BTBD9: variants seen among roughly 807,000 people sequenced by gnomAD.
BTBD9 encodes BTB domain containing 9, also known as BTB/POZ domain-containing protein 9.
A neutral mutation model predicts 64.3 loss-of-function variants in BTBD9; 49 were observed. The ratio of observed to expected loss-of-function variants is 0.76; its 90% confidence interval spans 0.61 to 0.97. BTBD9 has a LOEUF of 0.97. Among genes scored for constraint, BTBD9 ranks in the 50% least tolerant of loss-of-function variants. The pLI is 0.00. For missense variants in BTBD9, 598 were observed against 762.1 expected (o/e 0.78, Z 2.53); for synonymous variants, 260 against 274.7 (o/e 0.95, Z 0.53).
intron 2 of BTBD9, among the ~76,000 whole-genome samples, chr6:38,596,997 A>T (rs1777060125): frequency 6.6e-6 from 1 of 152,176 alleles, no homozygotes; most frequent in Non-Finnish European, 1.5e-5. Flanking sequence ...AGAACTTTTA[A>T]CAGACTCCTC....
chr6:38,589,170 A>T (rs1042901072), intron 4 of BTBD9, among the ~76,000 whole-genome samples: 1 of 152,188 alleles, frequency 6.6e-6, no homozygotes, highest in Non-Finnish European at 1.5e-5. Flanking sequence ...AACATTGATG[A>T]ACAACAATCT....
chr6:38,594,098 T>C lies in BTBD9; in HGVS notation c.415A>G (p.Ile139Val), dbSNP rs1562392007. The C allele has an allele frequency of 6.2e-7, 1 of 1,614,190 alleles. No individual in the cohort carries two copies. Among genetic ancestry groups the C allele is most frequent in the Non-Finnish European group, 8.5e-7 (1 of 1,180,010 alleles). ...TCAAAAGTCATGCAGACATTCTGAA[T>C]GTTAAGTATGGTGCAGAGATACTCA... is the stretch of plus-strand genomic sequence containing the variant. ...TSEYLCTILNIQNVCMTFDVA... is the reference protein window; with the variant it reads ...TSEYLCTILNVQNVCMTFDVA... The change falls in exon 3 of 11, where the codon ATT becomes GTT. Residue 139 changes from isoleucine (I) to valine (V), a missense_variant. Coordinates refer to ENST00000481247, the MANE Select transcript of BTBD9 (RefSeq NM_001099272.2).
chr6:38,187,974 C>T (rs886408386), intron 10 of BTBD9, among the ~76,000 whole-genome samples: 3 of 152,096 alleles, frequency 2.0e-5, no homozygotes, highest in Non-Finnish European at 4.4e-5. Context: ...CTGGACGGAT[C>T]GGAGGGAAGC....
At position 38,555,665 on chromosome 6, in the gene BTBD9, TC is replaced by T. The variant is rs575344188; in HGVS notation, c.1154+21934del. Among the ~76,000 whole-genome samples the T allele has an allele frequency of 4.6e-3, 699 of 152,256 alleles. 4 individuals carry two copies. Among genetic ancestry groups the T allele is most frequent in the African/African-American group, 0.016 (658 of 41,550 alleles). On this transcript the variant is annotated intron_variant, in intron 6 of 10. Transcript: ENST00000481247. ...AAAAATACCTGGACATCACCAACATTCCTTTAATTTTTAATTGTCAGATTCT... is the reference window on the plus strand; with the variant it reads ...AAAAATACCTGGACATCACCAACATTCTTTAATTTTTAATTGTCAGATTCT...
At chr6:38,204,523 G>A (rs1762570936) in intron 9 of BTBD9, among the ~76,000 whole-genome samples, 1 of 152,158 alleles carries the variant, frequency 6.6e-6, no homozygotes, top group Admixed American at 6.5e-5. Context: ...AAGTAGATTA[G>A]TGGTTGCCTA....
Position 38,192,642 on chromosome 6 carries a change from ACT to A in BTBD9, c.1563-47_1563-46del, listed in dbSNP as rs759325765. 1.9e-6 allele frequency: 3 copies of A among 1,558,910 alleles called. No homozygotes were observed. In the Admixed American group the frequency reaches 5.0e-5, roughly 26 times the overall value. The stretch of plus-strand genomic sequence containing the variant: ...TTTGCCTGATTAGATGGTGCAGTTG[ACT>A]CTCTGGTAGTGTGGCCGATGGAGTC... On this transcript the variant is annotated intron_variant, in intron 9 of 10. Coordinates refer to ENST00000481247, the MANE Select transcript of BTBD9 (RefSeq NM_001099272.2).
chr6:38,330,055 T>G (rs1300951418), intron 7 of BTBD9, among the ~76,000 whole-genome samples: 2 of 151,082 alleles, frequency 1.3e-5, no homozygotes, highest in Non-Finnish European at 3.0e-5. Flanking sequence ...TTTCTTTTCT[T>G]TTTTTTTGTT....
At chr6:38,190,190 G>A (rs1761998268) in intron 10 of BTBD9, among the ~76,000 whole-genome samples, 1 of 151,906 alleles carries the variant, frequency 6.6e-6, no homozygotes, top group Non-Finnish European at 1.5e-5. Context: ...TCCTGGCCCA[G>A]CGTGGTGGCT....
intron 6 of BTBD9, among the ~76,000 whole-genome samples, chr6:38,467,195 C>A (rs991557084): frequency 6.6e-6 from 1 of 151,988 alleles, no homozygotes; most frequent in Non-Finnish European, 1.5e-5. Flanking sequence ...TTCCTAAAAC[C>A]ACAGAGAAAG....
chr6:38,547,632 G>GTGCTGTTCCTTCATCCGTTCA (rs1340691865), intron 6 of BTBD9, among the ~76,000 whole-genome samples: 1 of 151,916 alleles, frequency 6.6e-6, no homozygotes, highest in Admixed American at 6.6e-5. Context: ...GTCTCTGTAC[G>GTGCTGTTCCTTCATCCGTTCA]TGCTGTTCCT....
chr6:38,591,927 G>A (rs1361651894), intron 4 of BTBD9, among the ~76,000 whole-genome samples: 4 of 152,122 alleles, frequency 2.6e-5, no homozygotes, highest in African/African-American at 4.8e-5. Context: ...GCTCATGCCT[G>A]TAATCCCAGC....
chr6:38,620,302 G>C (rs1449528252), intron 1 of BTBD9, among the ~76,000 whole-genome samples: 1 of 152,154 alleles, frequency 6.6e-6, no homozygotes, highest in Non-Finnish European at 1.5e-5. Context: ...AAATACCAGA[G>C]GAAGTGGAAT....
At chr6:38,264,326 A>T (rs1764897754) in intron 8 of BTBD9, among the ~76,000 whole-genome samples, 1 of 152,202 alleles carries the variant, frequency 6.6e-6, no homozygotes, top group Non-Finnish European at 1.5e-5. Context: ...AAGTGGGATC[A>T]GAGATGGTAG....
intron 6 of BTBD9, among the ~76,000 whole-genome samples, chr6:38,366,429 G>A (rs9349074): frequency 0.057 from 8,700 of 152,156 alleles, 722 homozygotes; most frequent in East Asian, 0.34. Context: ...CCAGCACTGC[G>A]GGTCCCAGTC....
At position 38,171,384 on chromosome 6, in the gene BTBD9, G is replaced by C. The variant is rs547671275; in HGVS notation, c.*3601C>G. 6.6e-6 allele frequency: 1 copy of C among 152,024 alleles called. No homozygotes were observed. The highest frequency in any genetic ancestry group is 2.1e-4 in the South Asian group (1 of 4,812). The allele number at this position is 152,024 out of a possible 1,614,324, so 9.4% of individuals were successfully genotyped here. A position where few individuals can be genotyped will look rare whatever the true frequency, so the allele number is the denominator to read the frequency against. ...TAATTTCTTTTCCCAACTCTTCTAG[G>C]AATAAAACACTTTTAATGTATTTGT... On this transcript the variant is annotated 3_prime_UTR_variant, in exon 11 of 11. Coordinates refer to ENST00000481247, the MANE Select transcript of BTBD9 (RefSeq NM_001099272.2).
intron 7 of BTBD9, among the ~76,000 whole-genome samples, chr6:38,293,224 C>T (rs558053171): frequency 5.9e-5 from 9 of 152,186 alleles, no homozygotes; most frequent in Non-Finnish European, 1.3e-4. Context: ...AAATCAATAT[C>T]GTGAAAATGG....
intron 6 of BTBD9, among the ~76,000 whole-genome samples, chr6:38,372,095 C>T (rs1366263104): frequency 6.6e-6 from 1 of 152,162 alleles, no homozygotes; most frequent in Non-Finnish European, 1.5e-5. Flanking sequence ...TCACAAAATG[C>T]ACATAATTCA....
At chr6:38,605,889 G>A (rs943990950) in intron 1 of BTBD9, among the ~76,000 whole-genome samples, 4 of 152,124 alleles carry the variant, frequency 2.6e-5, no homozygotes, top group Non-Finnish European at 5.9e-5. Context: ...TGTCTGTGAG[G>A]GTGTTGCCAA....
intron 6 of BTBD9, among the ~76,000 whole-genome samples, chr6:38,351,731 C>T (rs1182372055): frequency 6.6e-6 from 1 of 151,872 alleles, no homozygotes; most frequent in Admixed American, 6.6e-5. Context: ...GATCTCCTGA[C>T]TTCGTGATCT....
Sources: gnomAD v4.1 joint callset for allele counts (sites outside exome capture counted in the v4.1 genomes callset) on GRCh38, gnomAD v4.1.1 for gene constraint, MANE v1.5 for transcripts, NCBI Gene and HGNC (gene_info 2026-07-23, HGNC 2026-07-21) for gene names.